ATP2B2: variants seen among roughly 807,000 people sequenced by gnomAD.
ATP2B2 encodes the protein plasma membrane calcium-transporting ATPase 2.
A neutral mutation model predicts 120.0 loss-of-function variants in ATP2B2; 15 were observed. The observed-to-expected ratio is 0.12, with a 90% CI of 0.08 to 0.19. The LOEUF (loss-of-function observed/expected upper bound fraction) is 0.19, where lower values mean the gene tolerates loss of function less well. Among genes scored for constraint, ATP2B2 ranks in the 10% least tolerant of loss-of-function variants. The probability of loss-of-function intolerance (pLI) is 1.00; values close to 1 mark genes in which losing one functional copy is unlikely to be tolerated. For missense variants in ATP2B2, 1,045 were observed against 1,719.8 expected (o/e 0.61, Z 6.94); for synonymous variants, 694 against 700.3 (o/e 0.99, Z 0.14).
chr3:10,628,678 G>A (rs1227237947), intron 1 of ATP2B2, among the ~76,000 whole-genome samples: 1 of 152,168 alleles, frequency 6.6e-6, no homozygotes, highest in Non-Finnish European at 1.5e-5. Context: ...CTGCCACGGT[G>A]GGAGACCCCA....
chr3:10,683,330 T>C (rs1433052310), intron 1 of ATP2B2, among the ~76,000 whole-genome samples: 3 of 151,906 alleles, frequency 2.0e-5, no homozygotes, highest in Admixed American at 2.0e-4. Flanking sequence ...GAGGGAGGAA[T>C]GTGAGGGAAG....
At chr3:10,633,474 G>T (rs115624223) in intron 1 of ATP2B2, among the ~76,000 whole-genome samples, 2,141 of 152,230 alleles carry the variant, frequency 0.014, 56 homozygotes, top group African/African-American at 0.049. Context: ...AAGTCTTCAT[G>T]TATTAATCAA....
chr3:10,664,889 T>C (rs992696801), intron 1 of ATP2B2, among the ~76,000 whole-genome samples: 4 of 152,258 alleles, frequency 2.6e-5, no homozygotes, highest in African/African-American at 9.6e-5. Flanking sequence ...ACTGCCCCCA[T>C]GCCTATCCAG....
At chr3:10,656,669 AT>A (rs944647692) in intron 1 of ATP2B2, among the ~76,000 whole-genome samples, 1 of 152,256 alleles carries the variant, frequency 6.6e-6, no homozygotes, top group African/African-American at 2.4e-5. Flanking sequence ...CACAGCTCAA[AT>A]TCTAGTGGAG....
At chr3:10,682,597 C>T (rs1416566443) in intron 1 of ATP2B2, among the ~76,000 whole-genome samples, 1 of 152,164 alleles carries the variant, frequency 6.6e-6, no homozygotes, top group Admixed American at 6.5e-5. Context: ...GAGGACAGAC[C>T]TGGGAGATGG....
At chr3:10,460,767 A>G (rs2064454764) in intron 1 of ATP2B2, among the ~76,000 whole-genome samples, 1 of 152,190 alleles carries the variant, frequency 6.6e-6, no homozygotes, top group Non-Finnish European at 1.5e-5. Context: ...TGATGCCAGA[A>G]ATTCCACCAT....
At chr3:10,596,742 A>G (rs947495945) in intron 2 of ATP2B2, among the ~76,000 whole-genome samples, 3 of 152,214 alleles carry the variant, frequency 2.0e-5, no homozygotes, top group Non-Finnish European at 2.9e-5. Context: ...ATTATTCTGA[A>G]GGGCCACTTC....
intron 2 of ATP2B2, among the ~76,000 whole-genome samples, chr3:10,425,164 G>T (rs1395355492): frequency 6.6e-6 from 1 of 151,472 alleles, no homozygotes; most frequent in African/African-American, 2.4e-5. Flanking sequence ...ATATAAATTA[G>T]CTGGGCGTGG....
chr3:10,624,753 G>C (rs745657030), intron 1 of ATP2B2, among the ~76,000 whole-genome samples: 12 of 152,224 alleles, frequency 7.9e-5, no homozygotes, highest in Non-Finnish European at 1.5e-4. Flanking sequence ...TGAGTTGTAA[G>C]ACCCATATAA....
At chr3:10,598,611 C>A (rs1234466655) in intron 2 of ATP2B2, among the ~76,000 whole-genome samples, 1 of 152,196 alleles carries the variant, frequency 6.6e-6, no homozygotes, top group Non-Finnish European at 1.5e-5. Context: ...TTACTCTAGA[C>A]GGCTTCTTAC....
intron 1 of ATP2B2, among the ~76,000 whole-genome samples, chr3:10,696,233 T>C (rs1353850033): frequency 6.6e-6 from 1 of 152,208 alleles, no homozygotes; most frequent in African/African-American, 2.4e-5. Context: ...TTATAAAACC[T>C]TGTGCCCAAA....
chr3:10,368,678 ACCTAACCG>A (rs1034711576), intron 12 of ATP2B2, among the ~76,000 whole-genome samples: 3 of 149,044 alleles, frequency 2.0e-5, no homozygotes, highest in African/African-American at 7.5e-5. Context: ...CCATCCATCC[ACCTAACCG>A]CCATCCATCT....
At chr3:10,420,236 A>G (rs1223694111) in intron 2 of ATP2B2, among the ~76,000 whole-genome samples, 1 of 152,258 alleles carries the variant, frequency 6.6e-6, no homozygotes, top group African/African-American at 2.4e-5. Flanking sequence ...GACTGTGGGA[A>G]GCCATACCGC....
At chr3:10,412,407 C>A (rs1024172726) in intron 2 of ATP2B2, among the ~76,000 whole-genome samples, 1 of 152,146 alleles carries the variant, frequency 6.6e-6, no homozygotes, top group African/African-American at 2.4e-5. Context: ...GGTGCTTCTC[C>A]TTGCTTCAGC....
At position 10,360,126 on chromosome 3, in the gene ATP2B2, G is replaced by T; in HGVS notation, c.1660-3C>A. 1 of 1,586,762 alleles carries T rather than the reference G, an allele frequency of 6.3e-7. No individual in the cohort carries two copies. On this transcript the variant is annotated splice_polypyrimidine_tract_variant and splice_region_variant and intron_variant, in intron 12 of 22. Coordinates refer to ENST00000360273, the MANE Select transcript of ATP2B2 (RefSeq NM_001001331.4). ...AGGGCGCCCTCCTTCTCTGGGGGCT[G>T]CAGAGAGAGGAAGGAGCGGCTGGCA...
At chr3:10,440,725 T>C (rs2063635634) in intron 2 of ATP2B2, among the ~76,000 whole-genome samples, 2 of 152,218 alleles carry the variant, frequency 1.3e-5, no homozygotes, top group African/African-American at 2.4e-5. Context: ...TTTAGAACAT[T>C]TCCTCTTGCA....
intron 2 of ATP2B2, among the ~76,000 whole-genome samples, chr3:10,612,805 A>C (rs1396213126): frequency 6.6e-6 from 1 of 152,224 alleles, no homozygotes; most frequent in East Asian, 1.9e-4. Flanking sequence ...AAATAGCACC[A>C]GCCTCCAACT....
intron 1 of ATP2B2, among the ~76,000 whole-genome samples, chr3:10,679,682 T>C (rs1283542168): frequency 6.6e-6 from 1 of 152,244 alleles, no homozygotes; most frequent in African/African-American, 2.4e-5. Flanking sequence ...CATTGTTGTA[T>C]AGTCACACCA....
intron 1 of ATP2B2, among the ~76,000 whole-genome samples, chr3:10,676,878 T>C (rs1357014588): frequency 6.6e-6 from 1 of 152,174 alleles, no homozygotes; most frequent in East Asian, 1.9e-4. Context: ...ACAAACCTAG[T>C]AGAATGGCCA....
Sources: gnomAD v4.1 joint callset for allele counts (sites outside exome capture counted in the v4.1 genomes callset) on GRCh38, gnomAD v4.1.1 for gene constraint, MANE v1.5 for transcripts, NCBI Gene and HGNC (gene_info 2026-07-23, HGNC 2026-07-21) for gene names.